The following ERCC5 variants were observed in gnomAD, a reference collection of about 807,000 sequenced individuals.
The protein encoded by ERCC5 is DNA excision repair protein ERCC-5.
A neutral mutation model predicts 105.6 loss-of-function variants in ERCC5; 68 were observed. The observed-to-expected ratio is 0.64, with a 90% CI of 0.53 to 0.79. The LOEUF (loss-of-function observed/expected upper bound fraction) is 0.79. Among genes scored for constraint, ERCC5 ranks in the 30% least tolerant of loss-of-function variants. ERCC5 has a pLI of 0.00. For synonymous variants in ERCC5, 546 were observed against 526.2 expected (o/e 1.04, Z -0.51); for missense variants, 1,373 against 1,426.7 (o/e 0.96, Z 0.61).
chr13:102,862,204 T>G lies in ERCC5; in HGVS notation c.1055T>G (p.Leu352Arg). ...ACTTTACTAGCTATGCAAGCTGCCC[T>G]GCTGGGAAGTAGCTCAGAAGAGGAG... is the stretch of plus-strand genomic sequence containing the variant. ...PRTLLAMQAALLGSSSEEELE... is the reference protein window; with the variant it reads ...PRTLLAMQAARLGSSSEEELE... Residue 352 changes from leucine to arginine, a missense_variant, in exon 8 of 15, where the codon CTG (leucine) becomes CGG (arginine). By Grantham distance (102) the Leu-to-Arg change is moderately radical (BLOSUM62 -2). Transcript: ENST00000652225. 1 of 1,614,178 alleles carries G rather than the reference T, an allele frequency of 6.2e-7. No homozygotes were observed. Among genetic ancestry groups the G allele is most frequent in the Non-Finnish European group, 8.5e-7 (1 of 1,180,030 alleles).
intron 8 of ERCC5, among the ~76,000 whole-genome samples, chr13:102,863,441 C>T (rs779159939): frequency 4.6e-5 from 7 of 152,100 alleles, no homozygotes; most frequent in Non-Finnish European, 1.0e-4. Flanking sequence ...CTGGTTCCTT[C>T]ATCCAGTACC....
At chr13:102,858,146 CT>C (rs1265867917) in intron 5 of ERCC5, 128 bp from the exon 6 acceptor site, 2 of 1,326,086 alleles carry the variant, frequency 1.5e-6, no homozygotes, top group Non-Finnish European at 1.0e-6. Context: ...TTATATGCAA[CT>C]GTGTTTAGCC....
In ERCC5 at chr13:102,855,975, C is replaced by T; in HGVS notation, c.468-77C>T. The T allele has an allele frequency of 4.9e-6, 7 of 1,427,264 alleles. No individual in the cohort carries two copies. In the South Asian group the frequency reaches 8.1e-5, roughly 16 times the overall value. The allele number at this position is 1,427,264 out of a possible 1,614,324, so 88.4% of individuals were successfully genotyped here. A position where few individuals can be genotyped will look rare whatever the true frequency, so the allele number is the denominator to read the frequency against. On this transcript the variant is annotated intron_variant, in intron 4 of 14. Coordinates refer to ENST00000652225, the MANE Select transcript of ERCC5 (RefSeq NM_000123.4). ...TCACCACTGTAGCCCGTATAACGAG[C>T]AGAGCCTTGCATACAAGTATTTTTG...
chr13:102,866,614 G>C lies in ERCC5; in HGVS notation c.2320-18G>C. On this transcript the variant is annotated intron_variant, in intron 10 of 14. Transcript: ENST00000652225. ...GGTGCCCTTCCCTGGGCGTCACTGT[G>C]TACCCCTCACTCTGCAGGAACTCCT... 6.2e-7 allele frequency: 1 copy of C among 1,612,318 alleles called. No homozygotes were observed. Among genetic ancestry groups the C allele is most frequent in the Non-Finnish European group, 8.5e-7 (1 of 1,179,804 alleles).
At chr13:102,873,451 G>A in intron 14 of ERCC5, 108 bp downstream of exon 14, 1 of 1,247,074 alleles carries the variant, frequency 8.0e-7, no homozygotes, top group Non-Finnish European at 1.2e-6. Context: ...CAGACATTTT[G>A]AAATTAGGAT....
chr13:102,866,579 A>C, intron 10 of ERCC5, 53 bp from the exon 11 acceptor site: 2 of 1,609,292 alleles, frequency 1.2e-6, no homozygotes, highest in Non-Finnish European at 1.7e-6. Context: ...CCCTGTGCTC[A>C]GGGCCTGGCG....
At position 102,874,292 on chromosome 13, in the gene ERCC5, T is replaced by A. The variant is rs1883124848; in HGVS notation, c.2964+949T>A. ...AGTTGTTAACATTTAGGTTAAAAAA[T>A]TTTCCTGCATTTATTTGTGGCCATA... On this transcript the variant is annotated intron_variant, in intron 14 of 14. Transcript: ENST00000652225. Among the ~76,000 whole-genome samples, 3 of 152,170 alleles carry A rather than the reference T, an allele frequency of 2.0e-5. No homozygotes were observed. The South Asian group carries it at 6.2e-4, about 32-fold the overall frequency.
intron 13 of ERCC5, among the ~76,000 whole-genome samples, chr13:102,872,826 A>T (rs542002620): frequency 6.6e-6 from 1 of 152,372 alleles, no homozygotes; most frequent in South Asian, 2.1e-4. Flanking sequence ...AAAGAAGGAA[A>T]GATGACTAAT....
chr13:102,868,465 A>G (rs1480243776), intron 12 of ERCC5, among the ~76,000 whole-genome samples: 6 of 152,226 alleles, frequency 3.9e-5, no homozygotes, highest in African/African-American at 9.6e-5. Flanking sequence ...TCCTAGTTCA[A>G]GGGTACAAAG....
intron 1 of ERCC5, among the ~76,000 whole-genome samples, chr13:102,848,034 C>G (rs9518854): frequency 0.5 from 75,638 of 152,024 alleles, 19,995 homozygotes; most frequent in Non-Finnish European, 0.59. Context: ...TGGCCTGCAC[C>G]TTTGGTCCCA....
chr13:102,848,387 A>G (rs950010292), intron 1 of ERCC5, among the ~76,000 whole-genome samples: 3 of 152,206 alleles, frequency 2.0e-5, no homozygotes, highest in East Asian at 3.8e-4. Context: ...TGGTCTTTAA[A>G]CCATCTATAT....
In ERCC5 at chr13:102,866,950, G is replaced by A. The variant is rs920939664; in HGVS notation, c.2533+105G>A. On this transcript the variant is annotated intron_variant, in intron 11 of 14. Transcript: ENST00000652225. ...CTAGTTTGATGCATTGATGGAAATTGCAGGTCTATGCAAATTTTTATATGA... is the reference window on the plus strand; with the variant it reads ...CTAGTTTGATGCATTGATGGAAATTACAGGTCTATGCAAATTTTTATATGA... 4.8e-6 allele frequency: 6 copies of A among 1,238,374 alleles called. No homozygotes were observed. In the South Asian group the frequency reaches 8.3e-5, roughly 17 times the overall value. The allele number at this position is 1,238,374 out of a possible 1,614,324, so 76.7% of individuals were successfully genotyped here.
At chr13:102,860,349 T>G (rs2140525056) in intron 6 of ERCC5, among the ~76,000 whole-genome samples, 1 of 152,214 alleles carries the variant, frequency 6.6e-6, no homozygotes, top group East Asian at 1.9e-4. Context: ...AAATTGGTGC[T>G]AGTTTTGCTG....
chr13:102,851,850 A>G (rs1882218098), intron 1 of ERCC5, among the ~76,000 whole-genome samples: 1 of 152,118 alleles, frequency 6.6e-6, no homozygotes, highest in South Asian at 2.1e-4. Context: ...TTTTTAAAGA[A>G]GCAATTCTTT....
chr13:102,862,124 A>T lies in ERCC5; in HGVS notation c.975A>T (p.Pro325=), dbSNP rs1449474279. 1 of 1,614,192 alleles carries T rather than the reference A, an allele frequency of 6.2e-7. No homozygotes were observed. Among genetic ancestry groups the T allele is most frequent in the Admixed American group, 1.7e-5 (1 of 60,028 alleles). ...TGTCTTTTGACGTGAAGTCATCTCC[A>T]TGTGAAAAACTGAAGACAGAGAAAG... ...HGMSFDVKSS[P]CEKLKTEKEP... is the part of the protein sequence containing the mutation. The change falls in exon 8 of 15, where the codon CCA becomes CCT. Residue 325 remains proline, a synonymous_variant. Transcript: ENST00000652225.
At chr13:102,857,771 C>T (rs1882478492) in intron 5 of ERCC5, among the ~76,000 whole-genome samples, 1 of 152,196 alleles carries the variant, frequency 6.6e-6, no homozygotes, top group Non-Finnish European at 1.5e-5. Context: ...GCTCTATCCT[C>T]AGTGAGGCTC....
chr13:102,851,975 G>A (rs1247586370), intron 1 of ERCC5, 143 bp from the exon 2 acceptor site: 13 of 939,360 alleles, frequency 1.4e-5, no homozygotes, highest in Middle Eastern at 5.6e-4. Flanking sequence ...TAGATCCCAT[G>A]AGAGCTAAAT....
chr13:102,866,940 G>C, intron 11 of ERCC5, 95 bp downstream of exon 11: 1 of 1,396,646 alleles, frequency 7.2e-7, no homozygotes, highest in South Asian at 1.3e-5. Flanking sequence ...TTGATGCATT[G>C]ATGGAAATTG....
rs756544378 is a variant in ERCC5 at position 102,846,279 on chromosome 13, G to C, written c.13G>C (p.Gly5Arg). The C allele has an allele frequency of 1.2e-6, 2 of 1,613,568 alleles. No homozygotes were observed. Among genetic ancestry groups the C allele is most frequent in the East Asian group, 4.5e-5 (2 of 44,868 alleles). MGVQGLWKLLECSGR... is the reference protein window; with the variant it reads MGVQRLWKLLECSGR... ...ACGCAGCCGCCTCATGGGGGTCCAG[G>C]GGCTCTGGAAGCTGCTGGAGTGCTC... The change falls in exon 1 of 15, where the codon GGG becomes CGG. Residue 5 changes from glycine to arginine, a missense_variant. Physicochemically the swap from Gly to Arg is moderately radical, Grantham distance 125. Around this residue, in one of 3 missense-constraint regions of ERCC5, gnomAD observed 1,004 missense variants for 1,059.7 expected, o/e 0.95. Transcript: ENST00000652225.
Sources: gnomAD v4.1 joint callset for allele counts (sites outside exome capture counted in the v4.1 genomes callset) on GRCh38, gnomAD v4.1.1 for gene constraint, gnomAD v4.1.1 regional missense constraint, MANE v1.5 for transcripts, NCBI Gene and HGNC (gene_info 2026-07-23, HGNC 2026-07-21) for gene names.